Variants in ARHGEF28 observed in about 807,000 individuals in gnomAD.
ARHGEF28 encodes 190 kDa guanine nucleotide exchange factor.
Under a neutral mutation model 206.6 loss-of-function variants are expected in ARHGEF28, and 152 were observed. The ratio of observed to expected loss-of-function variants is 0.74; its 90% CI spans 0.64 to 0.84. The LOEUF (loss-of-function observed/expected upper bound fraction) is 0.84, where lower values mean the gene tolerates loss of function less well. ARHGEF28 is among the 40% of genes least tolerant of loss of function. The pLI, the probability that ARHGEF28 is intolerant of heterozygous loss-of-function variation, is 0.00. For missense variants in ARHGEF28, 2,028 were observed against 2,073.2 expected, an observed-to-expected ratio of 0.98 and a Z score of 0.42; for synonymous variants, 763 against 776.4, an observed-to-expected ratio of 0.98 and a Z score of 0.29.
Position 73,749,941 on chromosome 5 carries a change from T to C in ARHGEF28, c.138T>C (p.Ile46=). Residue 46 remains isoleucine (I), a synonymous_variant, in exon 3 of 36, where the codon ATT becomes ATC. Transcript: ENST00000513042. ...GATCTCATCAGCGACATGTCATGAT[T>C]GCAGAGCGCATCGAGGATAACGTTC... ...YDGSHQRHVM[I]AERIEDNVLQ... The C allele has an allele frequency of 1.2e-6, 2 of 1,614,048 alleles. No individual in the cohort carries two copies. Among genetic ancestry groups the C allele is most frequent in the Non-Finnish European group, 1.7e-6 (2 of 1,179,894 alleles).
chr5:73,779,028 T>G (rs933432568), intron 6 of ARHGEF28, among the ~76,000 whole-genome samples: 1 of 152,184 alleles, frequency 6.6e-6, no homozygotes, highest in Non-Finnish European at 1.5e-5. Flanking sequence ...TGTAGAACAA[T>G]GACAGTAAAA....
chr5:73,630,362 C>A (rs1743287704), intron 1 of ARHGEF28, among the ~76,000 whole-genome samples: 1 of 152,086 alleles, frequency 6.6e-6, no homozygotes, highest in Non-Finnish European at 1.5e-5. Flanking sequence ...GGTTAAATAG[C>A]CCCAACTTTG....
At chr5:73,810,586 TA>T (rs143630847) in intron 9 of ARHGEF28, among the ~76,000 whole-genome samples, 2,990 of 152,302 alleles carry the variant, frequency 0.02, 92 homozygotes, top group African/African-American at 0.069. Flanking sequence ...TGAGTGACTC[TA>T]AAACTTCAAT....
At chr5:73,821,270 T>A (rs1468831231) in intron 9 of ARHGEF28, among the ~76,000 whole-genome samples, 1 of 152,168 alleles carries the variant, frequency 6.6e-6, no homozygotes, top group African/African-American at 2.4e-5. Context: ...TTCTTCCGTT[T>A]ATTCATTCAT....
intron 12 of ARHGEF28, among the ~76,000 whole-genome samples, chr5:73,847,186 G>A (rs1183127504): frequency 8.5e-5 from 13 of 152,090 alleles, no homozygotes; most frequent in Admixed American, 8.5e-4. Flanking sequence ...AAAACAATGT[G>A]TGCTATGGCA....
chr5:73,658,356 G>A (rs1429143861), intron 1 of ARHGEF28, among the ~76,000 whole-genome samples: 2 of 152,082 alleles, frequency 1.3e-5, no homozygotes, highest in Non-Finnish European at 2.9e-5. Context: ...AGAATTTCCA[G>A]TGCCAAGCAC....
chr5:73,705,088 A>G (rs1052665259), intron 2 of ARHGEF28, among the ~76,000 whole-genome samples: 1 of 152,196 alleles, frequency 6.6e-6, no homozygotes, highest in Non-Finnish European at 1.5e-5. Flanking sequence ...ACATTTTAGA[A>G]CTATGATATT....
intron 4 of ARHGEF28, among the ~76,000 whole-genome samples, chr5:73,755,330 T>C (rs958564735): frequency 2.0e-5 from 3 of 151,948 alleles, no homozygotes; most frequent in African/African-American, 7.3e-5. Context: ...GGGGTGTGGA[T>C]CCATTTTGAC....
chr5:73,785,681 G>A (rs975169124), intron 7 of ARHGEF28, among the ~76,000 whole-genome samples: 3 of 152,094 alleles, frequency 2.0e-5, no homozygotes, highest in African/African-American at 7.2e-5. Context: ...AAATTATTTT[G>A]TAGTTCAAAA....
chr5:73,815,261 G>A (rs1756122829), intron 9 of ARHGEF28, among the ~76,000 whole-genome samples: 1 of 150,258 alleles, frequency 6.7e-6, no homozygotes, highest in African/African-American at 2.5e-5. Context: ...AATAGAAAAT[G>A]CAGTCAAATG....
At chr5:73,837,146 G>A (rs1307741412) in intron 10 of ARHGEF28, among the ~76,000 whole-genome samples, 1 of 151,902 alleles carries the variant, frequency 6.6e-6, no homozygotes, top group Middle Eastern at 3.2e-3. Flanking sequence ...GCTCTTCTGG[G>A]TCTTTTGGGA....
intron 1 of ARHGEF28, among the ~76,000 whole-genome samples, chr5:73,675,820 G>A (rs1746631789): frequency 6.6e-6 from 1 of 151,352 alleles, no homozygotes; most frequent in East Asian, 1.9e-4. Context: ...TAGGATCATG[G>A]TTAGTGGTAC....
chr5:73,842,987 T>TA (rs35222956), intron 11 of ARHGEF28, among the ~76,000 whole-genome samples: 97 of 130,662 alleles, frequency 7.4e-4, no homozygotes, highest in Admixed American at 9.3e-4. Flanking sequence ...ACTCTGTCTT[T>TA]AAAAAAAAAA....
chr5:73,749,750 C>A, intron 2 of ARHGEF28, 87 bp from the exon 3 acceptor site: 2 of 1,432,020 alleles, frequency 1.4e-6, no homozygotes, highest in Non-Finnish European at 1.9e-6. Flanking sequence ...ACAAATGACA[C>A]TGTTATGGAC....
intron 11 of ARHGEF28, among the ~76,000 whole-genome samples, chr5:73,845,514 G>C (rs1447318894): frequency 6.6e-6 from 1 of 152,092 alleles, no homozygotes. Context: ...CACTTCTGCA[G>C]CTTAGTCACA....
At chr5:73,811,344 A>G (rs934935578) in intron 9 of ARHGEF28, among the ~76,000 whole-genome samples, 2 of 152,206 alleles carry the variant, frequency 1.3e-5, no homozygotes, top group Non-Finnish European at 2.9e-5. Context: ...ATACAAATAT[A>G]TATTTTAAAC....
chr5:73,689,688 C>G (rs528939868), intron 2 of ARHGEF28, among the ~76,000 whole-genome samples: 1 of 151,954 alleles, frequency 6.6e-6, no homozygotes, highest in Admixed American at 6.6e-5. Context: ...TTTTTAGTCT[C>G]TAAGCAGCTT....
At chr5:73,695,988 T>A (rs1419784801) in intron 2 of ARHGEF28, among the ~76,000 whole-genome samples, 1 of 152,216 alleles carries the variant, frequency 6.6e-6, no homozygotes, top group Non-Finnish European at 1.5e-5. Context: ...AAGGTAGGAA[T>A]GGGATGCAAT....
At chr5:73,646,940 G>A (rs2112154553) in intron 1 of ARHGEF28, among the ~76,000 whole-genome samples, 1 of 152,176 alleles carries the variant, frequency 6.6e-6, no homozygotes, top group African/African-American at 2.4e-5. Context: ...TATTGGTGTG[G>A]TGGCAGCTGG....
Sources: allele counts gnomAD v4.1 joint callset (sites outside exome capture counted in the v4.1 genomes callset), GRCh38; gene constraint gnomAD v4.1.1; transcripts MANE v1.5; gene names NCBI Gene and HGNC (gene_info 2026-07-23, HGNC 2026-07-21).